SLC9A9: variants seen among roughly 807,000 people sequenced by gnomAD.
The protein encoded by SLC9A9 is solute carrier family 9 member A9, also known as sodium/hydrogen exchanger 9.
SLC9A9 carries 62 observed loss-of-function variants against 77.8 expected under a neutral mutation model. The ratio of observed to expected loss-of-function variants is 0.80; its 90% CI spans 0.65 to 0.98. The LOEUF (loss-of-function observed/expected upper bound fraction) is 0.98. SLC9A9 is among the 50% of genes least tolerant of loss of function. SLC9A9 has a pLI of 0.00. For missense variants in SLC9A9, 775 were observed against 774.9 expected (o/e 1.00, Z 0.00); for synonymous variants, 320 against 283.5 (o/e 1.13, Z -1.29).
chr3:143,692,436 G>C (rs1019815368), intron 5 of SLC9A9, among the ~76,000 whole-genome samples: 2 of 152,088 alleles, frequency 1.3e-5, no homozygotes, highest in Admixed American at 1.3e-4. Flanking sequence ...TAATATGATT[G>C]CTAGAATTTG....
chr3:143,736,273 T>A (rs1023199918), intron 4 of SLC9A9, among the ~76,000 whole-genome samples: 12 of 152,152 alleles, frequency 7.9e-5, no homozygotes, highest in African/African-American at 2.9e-4. Context: ...TACTTCCTTC[T>A]ATCTATTTGT....
intron 5 of SLC9A9, 24 bp from the exon 6 acceptor site, chr3:143,652,384 C>T: frequency 6.3e-7 from 1 of 1,589,474 alleles, no homozygotes; most frequent in East Asian, 2.2e-5. Context: ...CACAAACATG[C>T]AGGTTAGCTT....
intron 12 of SLC9A9, among the ~76,000 whole-genome samples, chr3:143,413,722 T>G (rs2034139701): frequency 6.6e-6 from 1 of 152,168 alleles, no homozygotes; most frequent in Non-Finnish European, 1.5e-5. Context: ...ACCATTTTCT[T>G]GCTGTTGCTC....
At chr3:143,412,419 G>A (rs2108520569) in intron 12 of SLC9A9, among the ~76,000 whole-genome samples, 1 of 152,252 alleles carries the variant, frequency 6.6e-6, no homozygotes, top group South Asian at 2.1e-4. Context: ...ACCTTCTACA[G>A]CACAGCATCT....
intron 1 of SLC9A9, among the ~76,000 whole-genome samples, chr3:143,843,331 C>A (rs965811844): frequency 8.5e-5 from 13 of 152,232 alleles, no homozygotes; most frequent in African/African-American, 3.1e-4. Context: ...GAAATTAATG[C>A]CTGCAGAAGA....
intron 6 of SLC9A9, among the ~76,000 whole-genome samples, chr3:143,587,058 CT>C (rs1310862674): frequency 6.6e-6 from 1 of 152,208 alleles, no homozygotes; most frequent in African/African-American, 2.4e-5. Context: ...TGAATATCAT[CT>C]TGTCATTTTG....
rs6795434 is a variant in SLC9A9 at position 143,752,551 on chromosome 3, C to T, written c.533+42450G>A. Reference sequence around the variant, plus strand: ...AAAGAAGGTAGGAGCAGGAGTATGGCGGCAACTTAAAATAATGAGTGTAGT... The same window carrying T: ...AAAGAAGGTAGGAGCAGGAGTATGGTGGCAACTTAAAATAATGAGTGTAGT... On this transcript the variant is annotated intron_variant, in intron 4 of 15. Coordinates refer to ENST00000316549, the MANE Select transcript of SLC9A9 (RefSeq NM_173653.4). Among the ~76,000 whole-genome samples the T allele has an allele frequency of 5.3e-5, 8 of 152,048 alleles. 1 individual carries two copies. The highest frequency in any genetic ancestry group is 1.9e-4 in the East Asian group (1 of 5,192).
chr3:143,785,845 C>CTTTT lies in SLC9A9; in HGVS notation c.533+9152_533+9155dup, dbSNP rs57552730. Among the ~76,000 whole-genome samples the CTTTT allele has an allele frequency of 2.7e-4, 30 of 113,000 alleles. 2 individuals carry two copies. The highest frequency in any genetic ancestry group is 3.8e-4 in the Non-Finnish European group (20 of 52,274). 74.1% of individuals were successfully genotyped at this position (113,000 alleles called of 152,430 possible). On this transcript the variant is annotated intron_variant, in intron 4 of 15. Coordinates refer to ENST00000316549, the MANE Select transcript of SLC9A9 (RefSeq NM_173653.4). ...GAGTAATTCTAAGACTTGAATTTTT[C>CTTTT]TTTTTTTTTTTTTTTTTTTTTTTTT...
intron 4 of SLC9A9, among the ~76,000 whole-genome samples, chr3:143,787,680 C>T (rs1452767561): frequency 6.6e-6 from 1 of 151,966 alleles, no homozygotes. Context: ...ATTTATTTGC[C>T]TATTCTGTTA....
chr3:143,761,597 T>C (rs867604249), intron 4 of SLC9A9, among the ~76,000 whole-genome samples: 2 of 152,172 alleles, frequency 1.3e-5, no homozygotes, highest in African/African-American at 4.8e-5. Context: ...AAAATCTTCA[T>C]CATCACTGGC....
At chr3:143,287,202 G>A (rs757730079) in intron 14 of SLC9A9, among the ~76,000 whole-genome samples, 4 of 152,182 alleles carry the variant, frequency 2.6e-5, no homozygotes, top group Non-Finnish European at 5.9e-5. Flanking sequence ...GATCTGCACT[G>A]ACTGGGAGGA....
chr3:143,699,158 A>C (rs977027940), intron 4 of SLC9A9, among the ~76,000 whole-genome samples: 7 of 152,228 alleles, frequency 4.6e-5, no homozygotes, highest in African/African-American at 1.7e-4. Flanking sequence ...TCATTCATTC[A>C]TGTATTCATT....
chr3:143,341,244 C>CT (rs1404158595), intron 14 of SLC9A9, among the ~76,000 whole-genome samples: 3 of 152,046 alleles, frequency 2.0e-5, no homozygotes, highest in African/African-American at 4.8e-5. Flanking sequence ...GTAGTGGGGG[C>CT]TTAAGGGGGC....
At chr3:143,475,355 G>A (rs1315605496) in intron 11 of SLC9A9, among the ~76,000 whole-genome samples, 1 of 152,060 alleles carries the variant, frequency 6.6e-6, no homozygotes, top group African/African-American at 2.4e-5. Flanking sequence ...TGGAAAGTAC[G>A]CTTGGTAAGA....
chr3:143,449,133 ATT>A, intron 12 of SLC9A9, among the ~76,000 whole-genome samples: 2 of 2 alleles, frequency 1, 1 homozygote, highest in Non-Finnish European at 1. Context: ...TATGATATAT[ATT>A]ATATAATTAT....
chr3:143,266,545 A>G lies in SLC9A9; in HGVS notation c.*157T>C. On this transcript the variant is annotated 3_prime_UTR_variant, in exon 16 of 16. Transcript: ENST00000316549. ...AGGGATAATAAAATCTCATTTCTTCAGGCACCAGAGGATCCATGTGACAAG... is the reference window on the plus strand; with the variant it reads ...AGGGATAATAAAATCTCATTTCTTCGGGCACCAGAGGATCCATGTGACAAG... 1 of 735,652 alleles carries G rather than the reference A, an allele frequency of 1.4e-6. No individual in the cohort carries two copies. The highest frequency in any genetic ancestry group is 2.7e-5 in the East Asian group (1 of 36,908). The allele number at this position is 735,652 out of a possible 1,614,324, so 45.6% of individuals were successfully genotyped here.
intron 4 of SLC9A9, among the ~76,000 whole-genome samples, chr3:143,778,715 C>CT (rs887560605): frequency 3.9e-5 from 6 of 152,008 alleles, no homozygotes; most frequent in Non-Finnish European, 7.4e-5. Context: ...ATTTATGTAC[C>CT]TTTTTTTCCA....
intron 12 of SLC9A9, among the ~76,000 whole-genome samples, chr3:143,458,896 A>G (rs1460410968): frequency 6.6e-6 from 1 of 152,118 alleles, no homozygotes; most frequent in Non-Finnish European, 1.5e-5. Context: ...CCATATGAAT[A>G]CATTCCTTTG....
At chr3:143,834,379 C>T (rs2009514570) in intron 1 of SLC9A9, among the ~76,000 whole-genome samples, 1 of 152,048 alleles carries the variant, frequency 6.6e-6, no homozygotes, top group Admixed American at 6.6e-5. Context: ...TGCATAAGAA[C>T]ATCATTTTTT....
Sources: allele counts gnomAD v4.1 joint callset (sites outside exome capture counted in the v4.1 genomes callset), GRCh38; gene constraint gnomAD v4.1.1; transcripts MANE v1.5; gene names NCBI Gene and HGNC (gene_info 2026-07-23, HGNC 2026-07-21).